DGLUCY: variants seen among roughly 807,000 people sequenced by gnomAD.
The protein encoded by DGLUCY is D-glutamate cyclase, mitochondrial.
In DGLUCY, 58 loss-of-function variants were observed where a neutral mutation model predicts 58.5. The ratio of observed to expected loss-of-function variants is 0.99; its 90% confidence interval spans 0.80 to 1.23. The LOEUF is 1.23. DGLUCY is among the 50% of genes most tolerant of loss of function. The pLI is 0.00. For missense variants in DGLUCY, 779 were observed against 784.7 expected, an observed-to-expected ratio of 0.99 and a Z score of 0.09; for synonymous variants, 325 against 314.1, an observed-to-expected ratio of 1.03 and a Z score of -0.37.
intron 1 of DGLUCY, among the ~76,000 whole-genome samples, chr14:91,142,935 C>A (rs1202039785): frequency 1.4e-5 from 2 of 142,512 alleles, no homozygotes; most frequent in African/African-American, 5.2e-5. Flanking sequence ...GAGGCTGATG[C>A]AGGAGAATCA....
intron 1 of DGLUCY, among the ~76,000 whole-genome samples, chr14:91,138,285 A>G (rs2046453559): frequency 6.6e-6 from 1 of 152,150 alleles, no homozygotes; most frequent in African/African-American, 2.4e-5. Flanking sequence ...TGAGGTCGGG[A>G]GTTCGAAACC....
intron 1 of DGLUCY, among the ~76,000 whole-genome samples, chr14:91,086,139 C>G (rs1315574842): frequency 6.6e-6 from 1 of 152,196 alleles, no homozygotes; most frequent in Non-Finnish European, 1.5e-5. Context: ...GCCTGATGAT[C>G]TGTCACTTTC....
chr14:91,077,481 C>T (rs979923718), intron 1 of DGLUCY, among the ~76,000 whole-genome samples: 5 of 150,472 alleles, frequency 3.3e-5, no homozygotes, highest in Non-Finnish European at 5.9e-5. Flanking sequence ...AGGCTGGGCA[C>T]GGTGGCTCAC....
intron 1 of DGLUCY, among the ~76,000 whole-genome samples, chr14:91,084,096 T>C (rs1292072186): frequency 2.0e-5 from 3 of 152,152 alleles, no homozygotes; most frequent in Non-Finnish European, 2.9e-5. Flanking sequence ...GCAATACATG[T>C]TGTTGAATGA....
At chr14:91,180,522 A>G (rs1027426735) in intron 7 of DGLUCY, among the ~76,000 whole-genome samples, 2 of 151,254 alleles carry the variant, frequency 1.3e-5, no homozygotes, top group Non-Finnish European at 2.9e-5. Flanking sequence ...CAGTGAGCCA[A>G]GATCATACCA....
chr14:91,209,438 G>A (rs1158491503), intron 12 of DGLUCY, among the ~76,000 whole-genome samples: 2 of 152,140 alleles, frequency 1.3e-5, no homozygotes, highest in Non-Finnish European at 2.9e-5. Context: ...GCCGCGTGCG[G>A]TGGCTCACGC....
intron 1 of DGLUCY, among the ~76,000 whole-genome samples, chr14:91,073,785 C>T (rs2043962139): frequency 6.6e-6 from 1 of 152,056 alleles, no homozygotes; most frequent in African/African-American, 2.4e-5. Flanking sequence ...CAAGAACCTG[C>T]AAGGCAGAAG....
chr14:91,090,601 T>G (rs1366773165), intron 1 of DGLUCY, among the ~76,000 whole-genome samples: 1 of 152,172 alleles, frequency 6.6e-6, no homozygotes, highest in Non-Finnish European at 1.5e-5. Context: ...GTTAGCAAAC[T>G]AAGAGCCACT....
At chr14:91,089,508 C>G (rs755189532) in intron 1 of DGLUCY, among the ~76,000 whole-genome samples, 2 of 152,026 alleles carry the variant, frequency 1.3e-5, no homozygotes, top group Non-Finnish European at 2.9e-5. Context: ...AATTTATTGT[C>G]GAAACTAAGA....
chr14:91,122,642 G>A (rs1367972005), intron 1 of DGLUCY, among the ~76,000 whole-genome samples: 7 of 111,808 alleles, frequency 6.3e-5, no homozygotes, highest in African/African-American at 1.1e-4. Context: ...TCACTCTGTC[G>A]CCCAGACTGG....
chr14:91,161,942 A>G (rs1052247970), intron 3 of DGLUCY, among the ~76,000 whole-genome samples: 1 of 152,024 alleles, frequency 6.6e-6, no homozygotes, highest in African/African-American at 2.4e-5. Context: ...AGCGAACACC[A>G]GCTTAACCCC....
At chr14:91,176,486 A>G (rs1199604522) in intron 7 of DGLUCY, among the ~76,000 whole-genome samples, 2 of 152,128 alleles carry the variant, frequency 1.3e-5, no homozygotes, top group Non-Finnish European at 2.9e-5. Flanking sequence ...TGCCTCCCAC[A>G]GTGCTGGGAT....
chr14:91,070,444 CCTT>C (rs1348662906), intron 1 of DGLUCY, among the ~76,000 whole-genome samples: 1 of 152,158 alleles, frequency 6.6e-6, no homozygotes, highest in African/African-American at 2.4e-5. Context: ...GCCTCAAAGT[CCTT>C]CTTCTTCCTC....
chr14:91,222,613 C>A (rs1392229609), intron 13 of DGLUCY, among the ~76,000 whole-genome samples: 1 of 152,202 alleles, frequency 6.6e-6, no homozygotes, highest in Non-Finnish European at 1.5e-5. Flanking sequence ...GAAATGCAGG[C>A]TCTCAGGCCA....
intron 3 of DGLUCY, among the ~76,000 whole-genome samples, chr14:91,164,227 G>A (rs2048151239): frequency 6.6e-6 from 1 of 152,178 alleles, no homozygotes; most frequent in African/African-American, 2.4e-5. Flanking sequence ...TGGGATTACA[G>A]GTGTGAGCCA....
chr14:91,191,588 C>T (rs1028575358), intron 9 of DGLUCY, among the ~76,000 whole-genome samples: 5 of 152,140 alleles, frequency 3.3e-5, no homozygotes, highest in Admixed American at 1.3e-4. Flanking sequence ...CCTGTTCCCT[C>T]CCACATGCTT....
intron 7 of DGLUCY, among the ~76,000 whole-genome samples, chr14:91,177,089 T>C (rs2048902708): frequency 1.3e-5 from 2 of 151,946 alleles, no homozygotes; most frequent in Non-Finnish European, 2.9e-5. Flanking sequence ...GCCTCAAACC[T>C]CTGGGGTCAA....
At chr14:91,073,419 C>T (rs978450367) in intron 1 of DGLUCY, among the ~76,000 whole-genome samples, 5 of 152,102 alleles carry the variant, frequency 3.3e-5, no homozygotes, top group African/African-American at 7.2e-5. Flanking sequence ...CCAGCCTGGG[C>T]GACAGAGTGA....
intron 1 of DGLUCY, among the ~76,000 whole-genome samples, chr14:91,118,084 C>G (rs1286770052): frequency 2.7e-5 from 3 of 109,818 alleles, no homozygotes; most frequent in Admixed American, 9.7e-5. Context: ...CGCCCCCCCC[C>G]CCCCTTTTTT....
Sources: allele counts gnomAD v4.1 joint callset (sites outside exome capture counted in the v4.1 genomes callset), GRCh38; gene constraint gnomAD v4.1.1; transcripts MANE v1.5; gene names NCBI Gene and HGNC (gene_info 2026-07-23, HGNC 2026-07-21).